The following FSTL4 variants were observed in gnomAD, a reference collection of about 807,000 sequenced individuals.
FSTL4 encodes follistatin like 4.
In FSTL4, 28 loss-of-function variants were observed where a neutral mutation model predicts 78.2. That is an observed-to-expected ratio of 0.36 (90% CI 0.27 to 0.49). The LOEUF (loss-of-function observed/expected upper bound fraction) is 0.49. Ranked by LOEUF, FSTL4 falls within the 20% of genes least tolerant of loss-of-function variation. FSTL4 has a pLI of 0.98. For synonymous variants in FSTL4, 422 were observed against 440.5 expected, an observed-to-expected ratio of 0.96 and a Z score of 0.53; for missense variants, 922 against 1,084.9, an observed-to-expected ratio of 0.85 and a Z score of 2.11.
intron 4 of FSTL4, among the ~76,000 whole-genome samples, chr5:133,317,398 T>C (rs368834956): frequency 3.2e-4 from 48 of 152,328 alleles, no homozygotes; most frequent in African/African-American, 1.0e-3. Context: ...TACACTGGGA[T>C]TGCAGGAGTG....
At chr5:133,714,302 C>CCT in the FSTL4 span, among the ~76,000 whole-genome samples, 1 of 152,168 alleles carries the variant, frequency 6.6e-6, no homozygotes, top group South Asian at 2.1e-4. Context: ...CAAACCAGGC[C>CCT]CTGGGCTCCC....
intron 3 of FSTL4, among the ~76,000 whole-genome samples, chr5:133,484,031 C>T (rs1443053309): frequency 3.3e-5 from 5 of 152,264 alleles, no homozygotes; most frequent in African/African-American, 1.2e-4. Flanking sequence ...TGGCTCCAGC[C>T]ACCTGGCTGC....
intron 3 of FSTL4, among the ~76,000 whole-genome samples, chr5:133,409,519 A>G (rs1756436834): frequency 6.6e-6 from 1 of 152,174 alleles, no homozygotes; most frequent in African/African-American, 2.4e-5. Flanking sequence ...GGAGGCTGCC[A>G]ACCTGCTGGC....
At chr5:133,467,168 A>G (rs529733917) in intron 3 of FSTL4, among the ~76,000 whole-genome samples, 30 of 149,740 alleles carry the variant, frequency 2.0e-4, no homozygotes, top group Non-Finnish European at 3.9e-4. Flanking sequence ...GAGTGAGTGT[A>G]TGAGTGTGGG....
chr5:133,304,658 T>C (rs1389109173), intron 6 of FSTL4, among the ~76,000 whole-genome samples: 1 of 152,174 alleles, frequency 6.6e-6, no homozygotes, highest in East Asian at 1.9e-4. Flanking sequence ...CTCCAGACAA[T>C]GACTAGAAAG....
At chr5:133,594,149 A>C (rs1312562265) in intron 2 of FSTL4, among the ~76,000 whole-genome samples, 1 of 152,192 alleles carries the variant, frequency 6.6e-6, no homozygotes, top group East Asian at 1.9e-4. Flanking sequence ...ATATGATCCT[A>C]AGCCATACTG....
At chr5:133,808,453 A>T in the FSTL4 span, among the ~76,000 whole-genome samples, 1 of 151,712 alleles carries the variant, frequency 6.6e-6, no homozygotes, top group Admixed American at 6.6e-5. Flanking sequence ...GACTCTTGTC[A>T]TCTTGTCCTC....
rs148421805 is a variant in FSTL4, at chr5:133,443,868, T to G, written c.161-42882A>C. On this transcript the variant is annotated intron_variant, in intron 3 of 15. Transcript: ENST00000265342. Reference sequence around the variant, plus strand: ...TGGCCTGGGCTTTCACCTACGCAATTCTCAGTTCAGAATACTCCCCCTCAC... The same window carrying G: ...TGGCCTGGGCTTTCACCTACGCAATGCTCAGTTCAGAATACTCCCCCTCAC... Among the ~76,000 whole-genome samples the G allele has an allele frequency of 9.2e-3, 1,400 of 152,318 alleles. 18 individuals carry two copies. Among genetic ancestry groups the G allele is most frequent in the Middle Eastern group, 0.024 (7 of 294 alleles).
chr5:133,559,501 C>T (rs186616032), intron 3 of FSTL4, among the ~76,000 whole-genome samples: 2 of 152,266 alleles, frequency 1.3e-5, no homozygotes, highest in East Asian at 1.9e-4. Context: ...GCAGGATCAG[C>T]GTGCTTCAGG....
the FSTL4 span, among the ~76,000 whole-genome samples, chr5:133,698,794 G>T: frequency 1.3e-5 from 2 of 152,228 alleles, no homozygotes; most frequent in Non-Finnish European, 2.9e-5. Context: ...GTCCCCTCTG[G>T]GCTGGAAGGG....
chr5:133,266,403 T>C (rs1189400892), intron 6 of FSTL4, among the ~76,000 whole-genome samples: 1 of 152,268 alleles, frequency 6.6e-6, no homozygotes, highest in Non-Finnish European at 1.5e-5. Flanking sequence ...GTCAGTGAAA[T>C]CTGCCCATTA....
At chr5:133,725,358 C>A in the FSTL4 span, among the ~76,000 whole-genome samples, 1 of 152,146 alleles carries the variant, frequency 6.6e-6, no homozygotes, top group Admixed American at 6.6e-5. Context: ...TAGTTCCGTG[C>A]AGTGATGGGG....
chr5:133,359,359 T>C (rs550609715), intron 4 of FSTL4, among the ~76,000 whole-genome samples: 15 of 152,360 alleles, frequency 9.8e-5, no homozygotes, highest in African/African-American at 2.9e-4. Flanking sequence ...CCTGTGGATA[T>C]GTGAAGACTG....
intron 6 of FSTL4, among the ~76,000 whole-genome samples, chr5:133,291,136 G>A (rs980331851): frequency 1.3e-5 from 2 of 152,272 alleles, no homozygotes; most frequent in African/African-American, 4.8e-5. Context: ...GGGAAAGTAT[G>A]TTGGTGAGAC....
At chr5:133,685,957 C>T in the FSTL4 span, among the ~76,000 whole-genome samples, 1 of 152,194 alleles carries the variant, frequency 6.6e-6, no homozygotes, top group Non-Finnish European at 1.5e-5. Flanking sequence ...ATTTCCCTGG[C>T]AAGTGGCACG....
intron 13 of FSTL4, among the ~76,000 whole-genome samples, chr5:133,212,369 C>T (rs984958223): frequency 2.0e-5 from 3 of 152,198 alleles, no homozygotes; most frequent in Admixed American, 2.0e-4. Flanking sequence ...TTCACAGTCT[C>T]AATGTGCTGA....
chr5:133,491,549 G>A (rs1421643819), intron 3 of FSTL4, among the ~76,000 whole-genome samples: 7 of 151,526 alleles, frequency 4.6e-5, no homozygotes, highest in East Asian at 1.9e-4. Context: ...ACAGGCGCCC[G>A]CCACCACGCC....
At chr5:133,427,353 G>T (rs1331551486) in intron 3 of FSTL4, among the ~76,000 whole-genome samples, 1 of 152,172 alleles carries the variant, frequency 6.6e-6, no homozygotes, top group East Asian at 1.9e-4. Context: ...ATGAACCCAG[G>T]GGCCTGAGAG....
intron 6 of FSTL4, among the ~76,000 whole-genome samples, chr5:133,288,522 C>A (rs553943492): frequency 6.6e-6 from 1 of 152,250 alleles, no homozygotes; most frequent in East Asian, 1.9e-4. Flanking sequence ...CAAGACCAAA[C>A]ACAGACCCTG....
Sources: gnomAD v4.1 joint callset for allele counts (sites outside exome capture counted in the v4.1 genomes callset) on GRCh38, gnomAD v4.1.1 for gene constraint, MANE v1.5 for transcripts, NCBI Gene and HGNC (gene_info 2026-07-23, HGNC 2026-07-21) for gene names.